The following SEMA3D variants were observed in gnomAD, a reference collection of about 807,000 sequenced individuals.
SEMA3D encodes the protein semaphorin-3D.
A neutral mutation model predicts 100.1 loss-of-function variants in SEMA3D; 84 were observed. That is an observed-to-expected ratio of 0.84 (90% CI 0.70 to 1.01). The LOEUF (loss-of-function observed/expected upper bound fraction) is 1.01, where lower values mean the gene tolerates loss of function less well. SEMA3D is among the 50% of genes least tolerant of loss of function. The pLI is 0.00. For synonymous variants in SEMA3D, 312 were observed against 320.7 expected, an observed-to-expected ratio of 0.97 and a Z score of 0.29; for missense variants, 875 against 934.1, an observed-to-expected ratio of 0.94 and a Z score of 0.82.
chr7:85,209,680 A>T, the SEMA3D span, among the ~76,000 whole-genome samples: 4 of 152,188 alleles, frequency 2.6e-5, no homozygotes, highest in East Asian at 7.7e-4. Flanking sequence ...TTTATACCAA[A>T]CTATCAACCT....
chr7:85,170,236 T>A (rs1791049344), intron 1 of SEMA3D, among the ~76,000 whole-genome samples: 1 of 151,884 alleles, frequency 6.6e-6, no homozygotes, highest in Admixed American at 6.6e-5. Context: ...CTATGATGTA[T>A]GTTTGAAAGT....
At position 85,103,846 on chromosome 7, in the gene SEMA3D, T is replaced by TGA. The variant is rs1788821993; in HGVS notation, c.152-5882_152-5881insTC. 4.6e-5 allele frequency among the ~76,000 whole-genome samples: 7 copies of TGA among 152,104 alleles called. No individual in the cohort carries two copies. In the South Asian group the frequency reaches 1.5e-3, roughly 32 times the overall value. On this transcript the variant is annotated intron_variant, in intron 3 of 18. Coordinates refer to ENST00000284136, the MANE Select transcript of SEMA3D (RefSeq NM_001384900.1). ...ATAGAAATCATTGCATATTACAAAT[T>TGA]TTGATGGATGGATGACACAGAGAAG...
At chr7:85,214,834 T>G in the SEMA3D span, among the ~76,000 whole-genome samples, 10 of 152,288 alleles carry the variant, frequency 6.6e-5, no homozygotes, top group African/African-American at 2.4e-4. Flanking sequence ...AATGGTTATT[T>G]CTACATATAA....
In SEMA3D at chr7:85,072,980, A is replaced by T. The variant is rs767376708; in HGVS notation, c.477T>A (p.Asp159Glu). Residue 159 changes from aspartate to glutamate, a missense_variant, in exon 6 of 19, where the codon GAT (aspartate) becomes GAA (glutamate). Asp to Glu is a conservative substitution (Grantham distance 45). Coordinates refer to ENST00000284136, the MANE Select transcript of SEMA3D (RefSeq NM_001384900.1). ...GAFHPICGYI[D>E]LGVYKEDIIF... ...ATATTACCTCCTTGTAGACTCCAAG[A>T]TCAATATACCCACATATTGGATGAA... 25 of 1,607,754 alleles carry T rather than the reference A, an allele frequency of 1.6e-5. No homozygotes were observed. In the Admixed American group the frequency reaches 4.2e-4, roughly 27 times the overall value.
At chr7:85,008,499 C>T (rs1442657214) in intron 17 of SEMA3D, among the ~76,000 whole-genome samples, 1 of 151,620 alleles carries the variant, frequency 6.6e-6, no homozygotes, top group Admixed American at 6.6e-5. Flanking sequence ...TTTAAACGTA[C>T]ATAGATGTAT....
chr7:85,029,015 C>T (rs561669186), intron 12 of SEMA3D: 93 of 408,134 alleles, frequency 2.3e-4, no homozygotes, highest in African/African-American at 1.8e-3. Flanking sequence ...TTGGATGTCA[C>T]TCCTCTTTCC....
chr7:85,072,836 G>T (rs6957484), intron 6 of SEMA3D, 126 bp downstream of exon 6: 119,889 of 716,294 alleles, frequency 0.17, 17,129 homozygotes, highest in African/African-American at 0.64. Flanking sequence ...ATTACAGGCA[G>T]GCACCTCCAT....
chr7:85,243,910 C>T, the SEMA3D span, among the ~76,000 whole-genome samples: 37 of 152,132 alleles, frequency 2.4e-4, no homozygotes, highest in Non-Finnish European at 3.5e-4. Flanking sequence ...TTCAGCAACA[C>T]TAGTGTTGTT....
At chr7:85,031,693 A>G (rs1790554676) in intron 12 of SEMA3D, among the ~76,000 whole-genome samples, 1 of 151,954 alleles carries the variant, frequency 6.6e-6, no homozygotes, top group Non-Finnish European at 1.5e-5. Flanking sequence ...TTTCTTATCT[A>G]TAAAATTGGG....
intron 2 of SEMA3D, among the ~76,000 whole-genome samples, chr7:85,126,395 T>TGTGTGTC (rs1789566235): frequency 8.5e-6 from 1 of 117,698 alleles, no homozygotes; most frequent in South Asian, 3.0e-4. Flanking sequence ...TGTGTGTGTG[T>TGTGTGTC]GTGTGTGTCG....
chr7:85,032,899 C>T (rs1056669257), intron 12 of SEMA3D, among the ~76,000 whole-genome samples: 7 of 151,876 alleles, frequency 4.6e-5, no homozygotes, highest in Non-Finnish European at 1.0e-4. Flanking sequence ...GTCTTTCTGT[C>T]TCTATTACTG....
intron 2 of SEMA3D, among the ~76,000 whole-genome samples, chr7:85,127,170 A>G (rs142755159): frequency 3.1e-4 from 47 of 152,266 alleles, no homozygotes; most frequent in African/African-American, 1.0e-3. Flanking sequence ...ATGATGGCCA[A>G]TGATATTTCT....
intron 3 of SEMA3D, among the ~76,000 whole-genome samples, chr7:85,120,566 G>A (rs1789379653): frequency 1.3e-5 from 2 of 151,364 alleles, no homozygotes; most frequent in African/African-American, 4.9e-5. Context: ...TACTCAGGAG[G>A]CTGAGGTGGG....
the SEMA3D span, among the ~76,000 whole-genome samples, chr7:85,216,776 T>C: frequency 1.3e-4 from 20 of 152,112 alleles, no homozygotes; most frequent in East Asian, 3.9e-4. Context: ...ATGAAATTTG[T>C]TGTTTTCTGT....
chr7:85,175,933 G>A (rs967843813), intron 1 of SEMA3D, among the ~76,000 whole-genome samples: 1 of 151,912 alleles, frequency 6.6e-6, no homozygotes, highest in Non-Finnish European at 1.5e-5. Context: ...TTCACTCTCT[G>A]GTGTGTAAAG....
intron 3 of SEMA3D, among the ~76,000 whole-genome samples, chr7:85,112,825 T>C (rs558379737): frequency 7.9e-5 from 12 of 152,352 alleles, no homozygotes; most frequent in African/African-American, 2.9e-4. Flanking sequence ...GTTTGTTTGC[T>C]TCTTCACTGT....
intron 2 of SEMA3D, chr7:85,142,759 G>A: frequency 1.0e-6 from 1 of 981,142 alleles, no homozygotes; most frequent in Non-Finnish European, 1.2e-6. Flanking sequence ...ACACTAGAAA[G>A]ATTCCCAGAC....
chr7:85,182,481 G>T (rs1366104926), intron 1 of SEMA3D, among the ~76,000 whole-genome samples: 1 of 152,040 alleles, frequency 6.6e-6, no homozygotes, highest in Non-Finnish European at 1.5e-5. Context: ...AATTTGTTCA[G>T]CATTGAACAA....
intron 2 of SEMA3D, among the ~76,000 whole-genome samples, chr7:85,147,464 T>C (rs1790249921): frequency 6.6e-6 from 1 of 152,110 alleles, no homozygotes; most frequent in African/African-American, 2.4e-5. Flanking sequence ...TCAGTCTTTC[T>C]AATAATCCCT....
Sources: gnomAD v4.1 joint callset for allele counts (sites outside exome capture counted in the v4.1 genomes callset) on GRCh38, gnomAD v4.1.1 for gene constraint, MANE v1.5 for transcripts, NCBI Gene and HGNC (gene_info 2026-07-23, HGNC 2026-07-21) for gene names.